Variants in KIF19 observed in about 807,000 individuals in gnomAD.
The protein encoded by KIF19 is kinesin family member 19, also known as kinesin-like protein KIF19.
KIF19 carries 98 observed loss-of-function variants against 106.6 expected under a neutral mutation model. The ratio of observed to expected loss-of-function variants is 0.92; its 90% CI spans 0.78 to 1.09. The LOEUF is 1.09. Ranked by LOEUF, KIF19 falls within the 50% of genes least tolerant of loss-of-function variation. The probability of loss-of-function intolerance (pLI) is 0.00; values close to 1 mark genes in which losing one functional copy is unlikely to be tolerated. For synonymous variants in KIF19, 516 were observed against 584.2 expected, an observed-to-expected ratio of 0.88 and a Z score of 1.68; for missense variants, 1,373 against 1,414.3, an observed-to-expected ratio of 0.97 and a Z score of 0.47.
Position 74,346,369 on chromosome 17 carries a change from G to A in KIF19, c.778-9G>A, listed in dbSNP as rs763558422. 40 of 1,567,844 alleles carry A rather than the reference G, an allele frequency of 2.6e-5. No individual in the cohort carries two copies. Among genetic ancestry groups the A allele is most frequent in the East Asian group, 7.2e-5 (3 of 41,862 alleles). On this transcript the variant is annotated splice_polypyrimidine_tract_variant and intron_variant, in intron 7 of 19. Coordinates refer to ENST00000389916, the MANE Select transcript of KIF19 (RefSeq NM_153209.4). The surrounding 1 kb of genome is among the most constrained non-coding windows in gnomAD (Gnocchi z 4.6). Reference sequence around the variant, plus strand: ...CAGGCCACACGTGTGCCCTTTGCTCGCCCCCTAGACACAGAATCGTGGGCA... The same window carrying A: ...CAGGCCACACGTGTGCCCTTTGCTCACCCCCTAGACACAGAATCGTGGGCA...
intron 2 of KIF19, among the ~76,000 whole-genome samples, chr17:74,335,978 A>G (rs1352998819): frequency 6.6e-6 from 1 of 152,260 alleles, no homozygotes; most frequent in Non-Finnish European, 1.5e-5. Context: ...GGCTTCAACA[A>G]CAGCCACTTA....
chr17:74,336,632 T>TCCC (rs543199975), intron 2 of KIF19, among the ~76,000 whole-genome samples: 2 of 151,982 alleles, frequency 1.3e-5, no homozygotes, highest in African/African-American at 4.8e-5. Flanking sequence ...AAGCGGGTAC[T>TCCC]CCCCCCAGCC....
At chr17:74,341,774 T>A in intron 2 of KIF19, 102 bp from the exon 3 acceptor site, 1 of 810,702 alleles carries the variant, frequency 1.2e-6, no homozygotes, top group South Asian at 1.4e-5. Flanking sequence ...TTGTTAACTC[T>A]GATCGACAAA....
intron 2 of KIF19, among the ~76,000 whole-genome samples, chr17:74,339,275 C>T (rs2054294360): frequency 6.6e-6 from 1 of 151,840 alleles, no homozygotes; most frequent in Non-Finnish European, 1.5e-5. Flanking sequence ...CAGCTGGGAC[C>T]CAGACTGCCA....
chr17:74,332,210 TTGTGTGTG>T (rs71157056), intron 2 of KIF19, among the ~76,000 whole-genome samples: 104 of 108,796 alleles, frequency 9.6e-4, no homozygotes, highest in South Asian at 3.9e-3. Flanking sequence ...GTGTGTGTGT[TTGTGTGTG>T]TGTGTGTGTG....
intron 8 of KIF19, among the ~76,000 whole-genome samples, chr17:74,347,307 CA>C (rs1567913348): frequency 2.0e-5 from 3 of 152,254 alleles, no homozygotes; most frequent in Admixed American, 6.5e-5. Flanking sequence ...GAGGCCGAGG[CA>C]GGTGGATCAC....
chr17:74,348,449 C>T (rs961663371), intron 9 of KIF19: 10 of 161,214 alleles, frequency 6.2e-5, no homozygotes, highest in Non-Finnish European at 9.7e-5. Context: ...GTAAGCATGT[C>T]GGAACCCTTG....
chr17:74,344,633 C>G, intron 6 of KIF19, 128 bp from the exon 7 acceptor site: 1 of 1,022,008 alleles, frequency 9.8e-7, no homozygotes, highest in East Asian at 2.6e-5. Context: ...CGGAGCCCAG[C>G]CCACTCCAGC....
intron 4 of KIF19, 48 bp from the exon 5 acceptor site, chr17:74,342,976 C>A: frequency 1.3e-6 from 2 of 1,539,248 alleles, no homozygotes; most frequent in Non-Finnish European, 1.7e-6. Context: ...CCAGCAAGGC[C>A]TCCCTCCCAG....
intron 12 of KIF19, chr17:74,351,153 A>G: frequency 1.9e-6 from 1 of 536,756 alleles, no homozygotes; most frequent in Non-Finnish European, 3.4e-6. Context: ...CCTGGCACAT[A>G]CCAAGGACTC....
chr17:74,335,079 T>A (rs916930392), intron 2 of KIF19, among the ~76,000 whole-genome samples: 1 of 152,152 alleles, frequency 6.6e-6, no homozygotes, highest in African/African-American at 2.4e-5. Context: ...CCTCGGAGAT[T>A]TTTGCCACTA....
intron 2 of KIF19, among the ~76,000 whole-genome samples, chr17:74,329,741 G>C (rs905253742): frequency 5.9e-5 from 9 of 152,196 alleles, no homozygotes; most frequent in Non-Finnish European, 1.0e-4. Context: ...TTGAGGACTC[G>C]TGCTGGGATG....
At chr17:74,332,210 T>TTTGTG (rs2054109578) in intron 2 of KIF19, among the ~76,000 whole-genome samples, 6 of 108,848 alleles carry the variant, frequency 5.5e-5, no homozygotes, top group African/African-American at 1.4e-4. Context: ...GTGTGTGTGT[T>TTTGTG]TGTGTGTGTG....
At chr17:74,333,990 A>AT (rs2054161856) in intron 2 of KIF19, among the ~76,000 whole-genome samples, 1 of 150,372 alleles carries the variant, frequency 6.7e-6, no homozygotes, top group African/African-American at 2.5e-5. Flanking sequence ...TGCCCAGTTG[A>AT]TTTTTTTAAT....
In KIF19 at chr17:74,342,762, G is replaced by A. The variant is rs764474466; in HGVS notation, c.319+45G>A. 7.8e-6 allele frequency: 12 copies of A among 1,543,418 alleles called. No homozygotes were observed. In the East Asian group the frequency reaches 2.2e-4, roughly 29 times the overall value. On this transcript the variant is annotated intron_variant, in intron 4 of 19. Coordinates refer to ENST00000389916, the MANE Select transcript of KIF19 (RefSeq NM_153209.4). ...TGTGGGCGAGGACCGCAATGCCCCT[G>A]TAATCCCCGTCACCCTCCAACTAGT...
At chr17:74,343,299 A>C in intron 5 of KIF19, 139 bp downstream of exon 5, 28 of 884,012 alleles carry the variant, frequency 3.2e-5, no homozygotes, top group Non-Finnish European at 4.6e-5. Context: ...TCGCAGGCTC[A>C]TCAGAGAGGT....
chr17:74,347,693 C>T (rs968614997), intron 8 of KIF19, 84 bp from the exon 9 acceptor site: 16 of 1,487,822 alleles, frequency 1.1e-5, no homozygotes, highest in Middle Eastern at 1.9e-4. Context: ...AGATTGCACT[C>T]GCCAGGGAGG....
chr17:74,344,443 A>G, intron 6 of KIF19, 95 bp downstream of exon 6: 2 of 1,522,096 alleles, frequency 1.3e-6, no homozygotes, highest in East Asian at 2.4e-5. Context: ...GCTGCTCCCC[A>G]CTCGGCTGAG....
At position 74,351,847 on chromosome 17, in the gene KIF19, C is replaced by T. The variant is rs1299778106; in HGVS notation, c.1588-20C>T. ...GGACCCCTCTCCCCGCTGCCAGATGCTGACCTGCGCCTCCTGCAGCTGGCG... is the reference window on the plus strand; with the variant it reads ...GGACCCCTCTCCCCGCTGCCAGATGTTGACCTGCGCCTCCTGCAGCTGGCG... On this transcript the variant is annotated intron_variant, in intron 12 of 19. Coordinates refer to ENST00000389916, the MANE Select transcript of KIF19 (RefSeq NM_153209.4). 1 of 1,378,000 alleles carries T rather than the reference C, an allele frequency of 7.3e-7. No individual in the cohort carries two copies. Among genetic ancestry groups the T allele is most frequent in the Non-Finnish European group, 9.3e-7 (1 of 1,074,042 alleles). The allele number at this position is 1,378,000 out of a possible 1,614,324, so 85.4% of individuals were successfully genotyped here. A position where few individuals can be genotyped will look rare whatever the true frequency, so the allele number is the denominator to read the frequency against.
Sources: gnomAD v4.1 joint callset for allele counts (sites outside exome capture counted in the v4.1 genomes callset) on GRCh38, gnomAD v4.1.1 for gene constraint, Gnocchi (gnomAD v3.1) non-coding constraint, MANE v1.5 for transcripts, NCBI Gene and HGNC (gene_info 2026-07-23, HGNC 2026-07-21) for gene names.